The following SCFD2 variants were observed in gnomAD, a reference collection of about 807,000 sequenced individuals.
SCFD2 encodes the protein sec1 family domain containing 2.
Under a neutral mutation model 58.9 loss-of-function variants are expected in SCFD2, and 54 were observed. The observed-to-expected ratio is 0.92, with a 90% CI of 0.74 to 1.15. SCFD2 has a LOEUF of 1.15. Ranked by LOEUF, SCFD2 falls within the 50% of genes most tolerant of loss-of-function variation. SCFD2 has a pLI of 0.00. For synonymous variants in SCFD2, 321 were observed against 335.9 expected, an observed-to-expected ratio of 0.96 and a Z score of 0.49; for missense variants, 805 against 836.6, an observed-to-expected ratio of 0.96 and a Z score of 0.47.
At chr4:53,022,859 C>T (rs1416896797) in intron 5 of SCFD2, among the ~76,000 whole-genome samples, 2 of 152,072 alleles carry the variant, frequency 1.3e-5, no homozygotes, top group East Asian at 3.8e-4. Context: ...TTATTCATTG[C>T]TTTATCCCTA....
chr4:53,350,513 C>T (rs1734184068), intron 2 of SCFD2, among the ~76,000 whole-genome samples: 2 of 152,110 alleles, frequency 1.3e-5, no homozygotes, highest in South Asian at 4.2e-4. Context: ...CTTTAAAAAC[C>T]CTTTATTGCT....
chr4:53,255,393 G>A (rs1730575095), intron 4 of SCFD2, among the ~76,000 whole-genome samples: 1 of 152,052 alleles, frequency 6.6e-6, no homozygotes, highest in African/African-American at 2.4e-5. Flanking sequence ...GGGTACTTAA[G>A]ATTGGGGAGT....
rs550935696 is a variant in SCFD2 at position 53,276,330 on chromosome 4, A to G, written c.1136-2329T>C. Among the ~76,000 whole-genome samples the G allele has an allele frequency of 4.6e-5, 7 of 152,318 alleles. No homozygotes were observed. In the South Asian group the frequency reaches 8.3e-4, roughly 18 times the overall value. ...TTAGGTACGTTAAAAAGTGGAAAAT[A>G]AAAGACCTCTGCTACTCAGCAACAT... On this transcript the variant is annotated intron_variant, in intron 3 of 8. Transcript: ENST00000401642.
intron 1 of SCFD2, among the ~76,000 whole-genome samples, chr4:53,364,794 T>G (rs1489330392): frequency 1.3e-5 from 2 of 152,228 alleles, no homozygotes; most frequent in Non-Finnish European, 2.9e-5. Context: ...AAATAAAATT[T>G]CCCAGGTGCA....
At chr4:53,291,154 T>G (rs923273166) in intron 3 of SCFD2, among the ~76,000 whole-genome samples, 4 of 152,114 alleles carry the variant, frequency 2.6e-5, no homozygotes, top group Non-Finnish European at 5.9e-5. Flanking sequence ...GAAAGAGAAC[T>G]GCAGGTCAAT....
intron 4 of SCFD2, among the ~76,000 whole-genome samples, chr4:53,197,783 T>C (rs1728105800): frequency 1.3e-5 from 2 of 148,682 alleles, no homozygotes; most frequent in South Asian, 4.3e-4. Flanking sequence ...GAATATTTCA[T>C]CTTGCTCTAA....
At chr4:52,922,281 C>G (rs922318176) in intron 5 of SCFD2, among the ~76,000 whole-genome samples, 1 of 152,120 alleles carries the variant, frequency 6.6e-6, no homozygotes, top group African/African-American at 2.4e-5. Context: ...ACCATCATCA[C>G]CACCACAATT....
intron 4 of SCFD2, among the ~76,000 whole-genome samples, chr4:53,239,671 G>T (rs1577883153): frequency 6.6e-6 from 1 of 152,126 alleles, no homozygotes; most frequent in Middle Eastern, 3.4e-3. Context: ...TTTTAGTAGA[G>T]ACGGGTTTTT....
Position 53,365,730 on chromosome 4 carries a change from G to A in SCFD2, c.212C>T (p.Pro71Leu), listed in dbSNP as rs762579535. ...GCAGCTCAGCACAAACACTGCCTTG[G>A]GCTGCTTGGCTCCACCACCAATTGC... ...PDAIGGGAKQ[P>L]KAVFVLSCLL... The change falls in exon 1 of 9, where the codon CCC becomes CTC. Residue 71 changes from proline to leucine, a missense_variant. Physicochemically the swap from Pro to Leu is moderately conservative, Grantham distance 98. Around this residue, in one of 3 missense-constraint regions of SCFD2, gnomAD observed 155 missense variants for 149.7 expected, o/e 1.04. Coordinates refer to ENST00000401642, the MANE Select transcript of SCFD2 (RefSeq NM_152540.4). The surrounding 1 kb of genome is among the most constrained non-coding windows in gnomAD (Gnocchi z 4.3). The A allele has an allele frequency of 6.2e-7, 1 of 1,614,054 alleles. No individual in the cohort carries two copies. Among genetic ancestry groups the A allele is most frequent in the Non-Finnish European group, 8.5e-7 (1 of 1,179,988 alleles).
At chr4:53,175,372 C>CA (rs1019481684) in intron 4 of SCFD2, among the ~76,000 whole-genome samples, 1 of 151,988 alleles carries the variant, frequency 6.6e-6, no homozygotes, top group South Asian at 2.1e-4. Context: ...TAAAATATAA[C>CA]AAAAAATCCT....
rs1724459425 is a variant in SCFD2, at chr4:53,091,191, AT to A, written c.1561+54141del. Among the ~76,000 whole-genome samples, 5 of 152,258 alleles carry A rather than the reference AT, an allele frequency of 3.3e-5. No individual in the cohort carries two copies. The South Asian group carries it at 1.0e-3, about 32-fold the overall frequency. ...TAAATCTATGGGCTGAAGAAAGGAA[AT>A]TTTTTGTCTCTGAAGATTGCTGAAA... On this transcript the variant is annotated intron_variant, in intron 5 of 8. Coordinates refer to ENST00000401642, the MANE Select transcript of SCFD2 (RefSeq NM_152540.4).
At chr4:53,339,709 G>A (rs1444602378) in intron 2 of SCFD2, among the ~76,000 whole-genome samples, 1 of 152,036 alleles carries the variant, frequency 6.6e-6, no homozygotes, top group Admixed American at 6.6e-5. Flanking sequence ...GGCAGAGGTT[G>A]CAGTGGGCCA....
chr4:53,323,460 A>G (rs1439579487), intron 2 of SCFD2, among the ~76,000 whole-genome samples: 2 of 150,946 alleles, frequency 1.3e-5, no homozygotes, highest in Admixed American at 6.6e-5. Context: ...TACAACCTAG[A>G]CTTCCTGGAC....
chr4:52,889,877 A>G (rs1718842023), intron 7 of SCFD2, among the ~76,000 whole-genome samples: 1 of 152,220 alleles, frequency 6.6e-6, no homozygotes, highest in Non-Finnish European at 1.5e-5. Context: ...TTTCCATATC[A>G]GTAAGAAAAG....
intron 7 of SCFD2, among the ~76,000 whole-genome samples, chr4:52,905,755 G>C (rs972119177): frequency 6.6e-6 from 1 of 152,142 alleles, no homozygotes; most frequent in Non-Finnish European, 1.5e-5. Context: ...AGCAGGAAGA[G>C]ATGTAGAAAA....
At chr4:52,927,367 T>C (rs1488707037) in intron 5 of SCFD2, among the ~76,000 whole-genome samples, 1 of 152,158 alleles carries the variant, frequency 6.6e-6, no homozygotes, top group South Asian at 2.1e-4. Flanking sequence ...TTATTTACCA[T>C]GTAAGATTTC....
At chr4:53,254,196 T>G (rs1730510467) in intron 4 of SCFD2, among the ~76,000 whole-genome samples, 2 of 152,164 alleles carry the variant, frequency 1.3e-5, no homozygotes, top group African/African-American at 4.8e-5. Context: ...AAATCTCACC[T>G]TGAATCGTAA....
chr4:53,299,108 G>A (rs1291233688), intron 3 of SCFD2, among the ~76,000 whole-genome samples: 1 of 152,222 alleles, frequency 6.6e-6, no homozygotes, highest in African/African-American at 2.4e-5. Flanking sequence ...TGACTTTGAT[G>A]AGTTGAGAGA....
At chr4:53,158,147 T>C (rs1314227498) in intron 4 of SCFD2, among the ~76,000 whole-genome samples, 2 of 152,152 alleles carry the variant, frequency 1.3e-5, no homozygotes, top group East Asian at 3.9e-4. Flanking sequence ...GCACAAATAA[T>C]GTAGACCACA....
Sources: allele counts gnomAD v4.1 joint callset (sites outside exome capture counted in the v4.1 genomes callset), GRCh38; gene constraint gnomAD v4.1.1; regional missense constraint gnomAD v4.1.1; non-coding constraint Gnocchi (gnomAD v3.1); transcripts MANE v1.5; gene names NCBI Gene and HGNC (gene_info 2026-07-23, HGNC 2026-07-21).